The following AKR1E2 variants were observed in gnomAD, a reference collection of about 807,000 sequenced individuals.
The protein encoded by AKR1E2 is aldo-keto reductase family 1 member E2, also known as 1,5-anhydro-D-fructose reductase.
A neutral mutation model predicts 41.9 loss-of-function variants in AKR1E2; 43 were observed. The ratio of observed to expected loss-of-function variants is 1.03; its 90% CI spans 0.80 to 1.32. The LOEUF is 1.32. Among genes scored for constraint, AKR1E2 ranks in the 40% most tolerant of loss-of-function variants. The probability of loss-of-function intolerance (pLI) is 0.00; values close to 1 mark genes in which losing one functional copy is unlikely to be tolerated. For missense variants in AKR1E2, 423 were observed against 396.5 expected (o/e 1.07, Z -0.57); for synonymous variants, 121 against 138.9 (o/e 0.87, Z 0.91).
At chr10:4,835,616 T>C in intron 3 of AKR1E2, 59 bp from the exon 4 acceptor site, 1 of 1,561,060 alleles carries the variant, frequency 6.4e-7, no homozygotes, top group Non-Finnish European at 8.7e-7. Context: ...TCCTGACACA[T>C]GGTTTTTTTT....
At chr10:4,872,248 C>A in the AKR1E2 span, among the ~76,000 whole-genome samples, 1,272 of 152,200 alleles carry the variant, frequency 8.4e-3, 18 homozygotes, top group African/African-American at 0.029. Flanking sequence ...AGGGCAGAAA[C>A]AAATTCTCTC....
chr10:4,848,078 C>CTTTT (rs60725002), downstream of AKR1E2: 4,430 of 131,376 alleles, frequency 0.034, 140 homozygotes, highest in East Asian at 0.11. Context: ...ATTTTAATTT[C>CTTTT]TTTTTTTTTT....
chr10:4,839,997 G>T (rs1182824668), intron 6 of AKR1E2, among the ~76,000 whole-genome samples, 171 bp downstream of exon 6: 1 of 152,104 alleles, frequency 6.6e-6, no homozygotes, highest in Non-Finnish European at 1.5e-5. Flanking sequence ...TGAAGGCATG[G>T]TTTATTATTG....
At chr10:4,828,240 A>G (rs1398323039) in intron 1 of AKR1E2, among the ~76,000 whole-genome samples, 1 of 152,086 alleles carries the variant, frequency 6.6e-6, no homozygotes, top group Non-Finnish European at 1.5e-5. Flanking sequence ...GGGCTACTCC[A>G]CTTGGCTCCG....
chr10:4,863,133 C>G, the AKR1E2 span, among the ~76,000 whole-genome samples: 2 of 152,176 alleles, frequency 1.3e-5, no homozygotes, highest in Non-Finnish European at 1.5e-5. Flanking sequence ...ACAGAACTCT[C>G]CACCCCAAAT....
downstream of AKR1E2, among the ~76,000 whole-genome samples, chr10:4,850,852 A>G (rs977087337): frequency 7.9e-5 from 12 of 152,180 alleles, no homozygotes; most frequent in African/African-American, 2.7e-4. Context: ...CCCAACTTTA[A>G]TCAATGATAA....
chr10:4,868,136 C>G, the AKR1E2 span, among the ~76,000 whole-genome samples: 1 of 152,172 alleles, frequency 6.6e-6, no homozygotes, highest in Admixed American at 6.5e-5. Context: ...GTAAGATTCT[C>G]CACTATCAAA....
At chr10:4,826,080 C>T (rs1832460813), upstream of AKR1E2, 1 of 393,172 alleles carries the variant, frequency 2.5e-6, no homozygotes, top group Non-Finnish European at 4.5e-6. Flanking sequence ...CCAGCTGGCT[C>T]TGCGCCTCCA....
chr10:4,844,093 C>G (rs181817091), intron 8 of AKR1E2, among the ~76,000 whole-genome samples: 5 of 152,150 alleles, frequency 3.3e-5, no homozygotes. Flanking sequence ...AATGAAGCCG[C>G]GGACCCTTGC....
intron 1 of AKR1E2, 115 bp downstream of exon 1, chr10:4,826,478 T>G: frequency 1.2e-5 from 12 of 968,974 alleles, no homozygotes; most frequent in Non-Finnish European, 1.5e-5. Flanking sequence ...CCCCTCCGCC[T>G]GGCCGACGCC....
chr10:4,833,575 C>G, intron 3 of AKR1E2, 109 bp downstream of exon 3: 1 of 919,424 alleles, frequency 1.1e-6, no homozygotes, highest in South Asian at 1.5e-5. Context: ...GGCAGGGGTT[C>G]CCAGGCTGCA....
rs1297977298 is a variant in AKR1E2 at position 4,847,132 on chromosome 10, T to G, written c.838-16T>G. On this transcript the variant is annotated splice_polypyrimidine_tract_variant and intron_variant, in intron 8 of 9. Transcript: ENST00000298375. ...ATTAAACTAAGTTTTCTACAAACAT[T>G]GTGTTTTGGTTCCAGGTGTTTGATT... 1.2e-6 allele frequency: 2 copies of G among 1,613,806 alleles called. No homozygotes were observed. Among genetic ancestry groups the G allele is most frequent in the South Asian group, 1.1e-5 (1 of 90,914 alleles).
At chr10:4,845,740 C>A (rs1266894059) in intron 8 of AKR1E2, 4 of 471,028 alleles carry the variant, frequency 8.5e-6, no homozygotes, top group South Asian at 1.5e-5. Flanking sequence ...GACACGGGGA[C>A]CTTGGGCCCA....
intron 9 of AKR1E2, 30 bp downstream of exon 9, chr10:4,847,260 A>T (rs1419831518): frequency 6.2e-7 from 1 of 1,613,282 alleles, no homozygotes; most frequent in African/African-American, 1.3e-5. Context: ...TTTAAAACAG[A>T]GGGAAGAATA....
intron 4 of AKR1E2, 145 bp downstream of exon 4, chr10:4,835,954 C>G (rs1833380683): frequency 8.4e-7 from 1 of 1,189,086 alleles, no homozygotes; most frequent in Non-Finnish European, 1.1e-6. Context: ...GAATCAATAC[C>G]CGAAGAACTC....
chr10:4,851,101 G>A (rs946107537), downstream of AKR1E2, among the ~76,000 whole-genome samples: 5 of 152,202 alleles, frequency 3.3e-5, no homozygotes, highest in African/African-American at 9.7e-5. Context: ...ATGTGGAGGC[G>A]ATCACAGAAC....
chr10:4,840,086 C>A (rs1313923606), intron 6 of AKR1E2, among the ~76,000 whole-genome samples: 1 of 152,124 alleles, frequency 6.6e-6, no homozygotes, highest in Non-Finnish European at 1.5e-5. Context: ...CCTGGAGTGA[C>A]CCCTTTGCTG....
At chr10:4,846,771 C>G (rs1834366198) in intron 8 of AKR1E2, among the ~76,000 whole-genome samples, 1 of 152,160 alleles carries the variant, frequency 6.6e-6, no homozygotes, top group African/African-American at 2.4e-5. Context: ...GTCTCAAACT[C>G]CTGACCTCGT....
At chr10:4,833,629 T>C (rs1219157749) in intron 3 of AKR1E2, among the ~76,000 whole-genome samples, 163 bp downstream of exon 3, 2 of 152,158 alleles carry the variant, frequency 1.3e-5, no homozygotes, top group Non-Finnish European at 2.9e-5. Flanking sequence ...CCTCTTGATA[T>C]CTCTGGGCCT....
Sources: allele counts gnomAD v4.1 joint callset (sites outside exome capture counted in the v4.1 genomes callset), GRCh38; gene constraint gnomAD v4.1.1; transcripts MANE v1.5; gene names NCBI Gene and HGNC (gene_info 2026-07-23, HGNC 2026-07-21).